The following PDE4A variants were observed in gnomAD, a reference collection of about 807,000 sequenced individuals.
The protein encoded by PDE4A is phosphodiesterase 4A.
PDE4A carries 21 observed loss-of-function variants against 73.9 expected under a neutral mutation model. The observed-to-expected ratio is 0.28, with a 90% confidence interval of 0.20 to 0.41. PDE4A has a LOEUF of 0.41. Ranked by LOEUF, PDE4A falls within the 10% of genes least tolerant of loss-of-function variation. The pLI is 1.00. For missense variants in PDE4A, 958 were observed against 1,211.4 expected (o/e 0.79, Z 3.10); for synonymous variants, 463 against 505.4 (o/e 0.92, Z 1.13).
At chr19:10,442,981 A>G (rs996308826) in intron 1 of PDE4A, among the ~76,000 whole-genome samples, 5 of 151,892 alleles carry the variant, frequency 3.3e-5, no homozygotes, top group African/African-American at 4.8e-5. Flanking sequence ...ATTACATATT[A>G]CATATTACCA....
At chr19:10,444,011 A>G (rs1220259565) in intron 1 of PDE4A, among the ~76,000 whole-genome samples, 3 of 151,734 alleles carry the variant, frequency 2.0e-5, no homozygotes, top group Non-Finnish European at 4.4e-5. Context: ...TCTCAAAAAA[A>G]AAAAAAAAAG....
chr19:10,452,613 GGTGTGT>G (rs138348522), intron 6 of PDE4A, among the ~76,000 whole-genome samples: 1 of 147,284 alleles, frequency 6.8e-6, no homozygotes, highest in African/African-American at 2.5e-5. Flanking sequence ...ACTGTCTCCG[GGTGTGT>G]GTGTGTGTGT....
At chr19:10,425,841 C>T (rs572668138) in intron 1 of PDE4A, among the ~76,000 whole-genome samples, 2 of 151,394 alleles carry the variant, frequency 1.3e-5, no homozygotes, top group African/African-American at 2.4e-5. Flanking sequence ...CAAAAATTAG[C>T]CAGGTGGTAG....
chr19:10,430,521 G>C (rs1172325253), intron 1 of PDE4A, among the ~76,000 whole-genome samples: 1 of 152,086 alleles, frequency 6.6e-6, no homozygotes, highest in Non-Finnish European at 1.5e-5. Flanking sequence ...TGTGGGGCCT[G>C]TCAACACCAC....
At chr19:10,461,380 G>A in intron 11 of PDE4A, 146 bp from the exon 12 acceptor site, 1 of 1,460,856 alleles carries the variant, frequency 6.8e-7, no homozygotes, top group Non-Finnish European at 9.0e-7. Context: ...CTGGAAAGGG[G>A]ATGGCCGGGC....
chr19:10,448,961 C>G lies in PDE4A; in HGVS notation c.549+8C>G. ...GTAACACCATTTGCTCAGGTGAGAC[C>G]TCTTCCCAAATGGTTAAGGAGAGAA... On this transcript the variant is annotated splice_region_variant and intron_variant, in intron 3 of 14. Coordinates refer to ENST00000380702, the MANE Select transcript of PDE4A (RefSeq NM_001111307.2). The G allele has an allele frequency of 6.2e-7, 1 of 1,613,680 alleles. No individual in the cohort carries two copies. The highest frequency in any genetic ancestry group is 8.5e-7 in the Non-Finnish European group (1 of 1,179,820).
In PDE4A at chr19:10,441,588, C is replaced by A. The variant is rs576934679; in HGVS notation, c.321-4630C>A. On this transcript the variant is annotated intron_variant, in intron 1 of 14. Transcript: ENST00000380702. ...ATTGTTGTTGCCTGTGCTTTGGTGT[C>A]AAATTCAAGAAATCATTGCCAGATC... is the stretch of plus-strand genomic sequence containing the variant. 1.1e-3 allele frequency among the ~76,000 whole-genome samples: 173 copies of A among 151,688 alleles called. 1 individual carries two copies. The highest frequency in any genetic ancestry group is 4.2e-3 in the African/African-American group (172 of 41,360).
At chr19:10,422,513 C>T (rs1009955914) in intron 1 of PDE4A, among the ~76,000 whole-genome samples, 3 of 152,170 alleles carry the variant, frequency 2.0e-5, no homozygotes, top group Non-Finnish European at 4.4e-5. Flanking sequence ...GTGTGCTCTA[C>T]CTGGATGCCC....
rs764511596 is a variant in PDE4A at position 10,448,963 on chromosome 19, C to G, written c.549+10C>G. 1.2e-6 allele frequency: 2 copies of G among 1,613,636 alleles called. No homozygotes were observed. The highest frequency in any genetic ancestry group is 2.2e-5 in the East Asian group (1 of 44,884). On this transcript the variant is annotated intron_variant, in intron 3 of 14. Transcript: ENST00000380702. ...AACACCATTTGCTCAGGTGAGACCTCTTCCCAAATGGTTAAGGAGAGAAGG... is the reference window on the plus strand; with the variant it reads ...AACACCATTTGCTCAGGTGAGACCTGTTCCCAAATGGTTAAGGAGAGAAGG...
At chr19:10,425,984 C>CAAAAAAAAAAA (rs1168197109) in intron 1 of PDE4A, among the ~76,000 whole-genome samples, 8 of 48,384 alleles carry the variant, frequency 1.7e-4, no homozygotes, top group African/African-American at 3.7e-4. Flanking sequence ...GAGACCCTGT[C>CAAAAAAAAAAA]AAAAAAAAAA....
At chr19:10,438,175 C>A (rs2042890689) in intron 1 of PDE4A, among the ~76,000 whole-genome samples, 1 of 151,060 alleles carries the variant, frequency 6.6e-6, no homozygotes, top group Non-Finnish European at 1.5e-5. Context: ...TGCAGTGGCG[C>A]AATCTCGGCT....
At chr19:10,459,881 TC>T in intron 10 of PDE4A, 122 bp downstream of exon 10, 1 of 1,169,178 alleles carries the variant, frequency 8.6e-7, no homozygotes, top group African/African-American at 1.6e-5. Flanking sequence ...CATTTCTCTC[TC>T]TTTTTTTTTT....
chr19:10,417,740 C>G (rs750943062), upstream of PDE4A: 3 of 1,585,850 alleles, frequency 1.9e-6, no homozygotes, highest in Non-Finnish European at 2.6e-6. Flanking sequence ...GCCTCTCGTC[C>G]GGTCCTGGCC....
In PDE4A at chr19:10,459,603, C is replaced by T; in HGVS notation, c.1209C>T (p.Asp403=). 1 of 1,614,006 alleles carries T rather than the reference C, an allele frequency of 6.2e-7. No individual in the cohort carries two copies. Among genetic ancestry groups the T allele is most frequent in the Non-Finnish European group, 8.5e-7 (1 of 1,179,884 alleles). The change falls in exon 10 of 15, where the codon GAC becomes GAT. Residue 403 remains aspartate, a synonymous_variant. Coordinates refer to ENST00000380702, the MANE Select transcript of PDE4A (RefSeq NM_001111307.2). ...CCCCTGCCTGCTCTCAGGAGCGGGACCTGCTGAAGAAATTCCGCATCCCTG... is the reference window on the plus strand; with the variant it reads ...CCCCTGCCTGCTCTCAGGAGCGGGATCTGCTGAAGAAATTCCGCATCCCTG... The part of the protein sequence containing the change: ...CIMYMIFQER[D]LLKKFRIPVD...
chr19:10,428,832 C>T, intron 1 of PDE4A: 1 of 985,398 alleles, frequency 1.0e-6, no homozygotes, highest in Non-Finnish European at 1.2e-6. Flanking sequence ...CAGAGGTGGA[C>T]TCGAAAATAG....
chr19:10,419,206 C>A, upstream of PDE4A: 1 of 154,192 alleles, frequency 6.5e-6, no homozygotes, highest in Non-Finnish European at 1.1e-5. Context: ...AGCAGTTTCG[C>A]GTTCGAGCTC....
At chr19:10,447,525 CTCAGT>C (rs1411194092) in intron 2 of PDE4A, among the ~76,000 whole-genome samples, 1 of 151,756 alleles carries the variant, frequency 6.6e-6, no homozygotes, top group Non-Finnish European at 1.5e-5. Context: ...GCGCCCGGCC[CTCAGT>C]TCCTTTTTTA....
intron 1 of PDE4A, among the ~76,000 whole-genome samples, chr19:10,435,310 T>A (rs373446967): frequency 6.6e-6 from 1 of 151,948 alleles, no homozygotes; most frequent in Non-Finnish European, 1.5e-5. Flanking sequence ...AAACCCAGCA[T>A]TTTGAGAGGG....
chr19:10,459,059 G>A (rs577015800), intron 8 of PDE4A: 28 of 308,434 alleles, frequency 9.1e-5, no homozygotes, highest in Non-Finnish European at 1.4e-4. Flanking sequence ...GGGGCCAGTC[G>A]TGCTGGGTTC....
Sources: allele counts gnomAD v4.1 joint callset (sites outside exome capture counted in the v4.1 genomes callset), GRCh38; gene constraint gnomAD v4.1.1; transcripts MANE v1.5; gene names NCBI Gene and HGNC (gene_info 2026-07-23, HGNC 2026-07-21).